The following SCAI variants were observed in gnomAD, a reference collection of about 807,000 sequenced individuals.
SCAI encodes the protein protein SCAI.
SCAI carries 24 observed loss-of-function variants against 92.2 expected under a neutral mutation model. That is an observed-to-expected ratio of 0.26 (90% CI 0.19 to 0.37). SCAI has a LOEUF of 0.37. Ranked by LOEUF, SCAI falls within the 10% of genes least tolerant of loss-of-function variation. The pLI, the probability that SCAI is intolerant of heterozygous loss-of-function variation, is 1.00. For missense variants in SCAI, 450 were observed against 736.2 expected, an observed-to-expected ratio of 0.61 and a Z score of 4.50; for synonymous variants, 261 against 258.6, an observed-to-expected ratio of 1.01 and a Z score of -0.09.
rs1037396292 is a variant in SCAI at position 124,944,030 on chromosome 9, A to G, written c.*8777T>C. 1.3e-5 allele frequency: 2 copies of G among 152,178 alleles called. No homozygotes were observed. Among genetic ancestry groups the G allele is most frequent in the East Asian group, 1.9e-4 (1 of 5,196 alleles). 9.4% of individuals were successfully genotyped at this position (152,178 alleles called of 1,614,324 possible). A position where few individuals can be genotyped will look rare whatever the true frequency, so the allele number is the denominator to read the frequency against. ...TTAGGACTTTGTATTTGCCTTTCCT[A>G]TTATCTAAGATGTTTCTACCTCAAC... On this transcript the variant is annotated 3_prime_UTR_variant, in exon 18 of 18. Transcript: ENST00000336505.
intron 9 of SCAI, among the ~76,000 whole-genome samples, chr9:125,018,141 C>CT (rs1266760712): frequency 1.3e-5 from 2 of 152,014 alleles, no homozygotes; most frequent in African/African-American, 2.4e-5. Flanking sequence ...GTCACCCAGG[C>CT]TGGAGTACAG....
chr9:125,016,190 T>C (rs1832755767), intron 9 of SCAI, among the ~76,000 whole-genome samples: 2 of 139,340 alleles, frequency 1.4e-5, no homozygotes, highest in Non-Finnish European at 1.6e-5. Flanking sequence ...TAAAATAAAA[T>C]AAAATAAAAT....
intron 2 of SCAI, among the ~76,000 whole-genome samples, chr9:125,061,774 A>T (rs2131146022): frequency 6.6e-6 from 1 of 152,130 alleles, no homozygotes; most frequent in East Asian, 1.9e-4. Flanking sequence ...GAAAGAAATG[A>T]AACGAAGAAA....
At chr9:124,962,787 TTTC>T (rs1831466007) in intron 17 of SCAI, among the ~76,000 whole-genome samples, 1 of 151,378 alleles carries the variant, frequency 6.6e-6, no homozygotes, top group South Asian at 2.1e-4. Flanking sequence ...TATATTGTTT[TTTC>T]TTTTTCTTTC....
intron 11 of SCAI, 75 bp from the exon 12 acceptor site, chr9:125,002,118 C>T (rs1049535831): frequency 2.0e-6 from 2 of 1,023,054 alleles, no homozygotes; most frequent in South Asian, 2.6e-5. Flanking sequence ...AAGTTCATGA[C>T]ATCTTAAAGT....
chr9:125,032,195 A>AT lies in SCAI; in HGVS notation c.231-2457dup, dbSNP rs71374219. The stretch of plus-strand genomic sequence containing the variant: ...AATATATATATATATATATATATAT[A>AT]TTTTTTTTTTTTTTTGAGATGGAGT... On this transcript the variant is annotated intron_variant, in intron 3 of 17. Coordinates refer to ENST00000336505, the MANE Select transcript of SCAI (RefSeq NM_001144877.3). 9.1e-3 allele frequency among the ~76,000 whole-genome samples: 908 copies of AT among 99,414 alleles called. 15 individuals carry two copies. Among genetic ancestry groups the AT allele is most frequent in the Middle Eastern group, 0.024 (4 of 170 alleles). The allele number at this position is 99,414 out of a possible 152,430, so 65.2% of individuals were successfully genotyped here. A position where few individuals can be genotyped will look rare whatever the true frequency, so the allele number is the denominator to read the frequency against.
chr9:124,996,873 G>A (rs1054789950), intron 13 of SCAI, among the ~76,000 whole-genome samples: 6 of 151,502 alleles, frequency 4.0e-5, no homozygotes, highest in South Asian at 4.2e-4. Flanking sequence ...CAAGTGATCC[G>A]CCCACTTCGG....
At chr9:125,101,993 G>C (rs1380399830) in intron 2 of SCAI, among the ~76,000 whole-genome samples, 3 of 152,170 alleles carry the variant, frequency 2.0e-5, no homozygotes, top group Non-Finnish European at 4.4e-5. Flanking sequence ...TACTGGTCTA[G>C]GGCAAAGTTC....
Position 125,026,927 on chromosome 9 carries a change from AT to A in SCAI, c.414-18del. 1.4e-6 allele frequency: 2 copies of A among 1,420,848 alleles called. No individual in the cohort carries two copies. Among genetic ancestry groups the A allele is most frequent in the Non-Finnish European group, 2.0e-6 (2 of 1,013,426 alleles). The allele number at this position is 1,420,848 out of a possible 1,614,324, so 88.0% of individuals were successfully genotyped here. On this transcript the variant is annotated intron_variant, in intron 5 of 17. Transcript: ENST00000336505. ...GTGCGTAAGCTATGAGAAAAAATATATTTTTAAATATGACAGTGTCAGAGAC... is the reference window on the plus strand; with the variant it reads ...GTGCGTAAGCTATGAGAAAAAATATATTTTAAATATGACAGTGTCAGAGAC...
At chr9:125,071,388 ACT>A (rs1329866711) in intron 2 of SCAI, among the ~76,000 whole-genome samples, 1 of 151,924 alleles carries the variant, frequency 6.6e-6, no homozygotes, top group Non-Finnish European at 1.5e-5. Flanking sequence ...ACAAAATGAG[ACT>A]CTAACTCAAA....
intron 17 of SCAI, among the ~76,000 whole-genome samples, chr9:124,958,059 T>G (rs1831357898): frequency 6.6e-6 from 1 of 152,174 alleles, no homozygotes; most frequent in African/African-American, 2.4e-5. Context: ...AAGACCTGTA[T>G]GATAAAAACT....
rs944158738 is a variant in SCAI at position 124,961,876 on chromosome 9, T to G, written c.1675-8923A>C. On this transcript the variant is annotated intron_variant, in intron 17 of 17. Coordinates refer to ENST00000336505, the MANE Select transcript of SCAI (RefSeq NM_001144877.3). ...AACTAATAAATGTCCTTTGTGGCAG[T>G]TTTTTTTTTTTTTTTTCCAGAAAAG... 8.5e-4 allele frequency among the ~76,000 whole-genome samples: 109 copies of G among 128,166 alleles called. 1 individual carries two copies. The South Asian group carries it at 0.024, about 29-fold the overall frequency. 84.1% of individuals were successfully genotyped at this position (128,166 alleles called of 152,430 possible). A position where few individuals can be genotyped will look rare whatever the true frequency, so the allele number is the denominator to read the frequency against.
At chr9:125,092,251 G>C (rs1834446084) in intron 2 of SCAI, among the ~76,000 whole-genome samples, 1 of 150,816 alleles carries the variant, frequency 6.6e-6, no homozygotes, top group South Asian at 2.1e-4. Context: ...TTGAGGTCAG[G>C]AGTTCAAGAC....
At position 125,003,214 on chromosome 9, in the gene SCAI, T is replaced by C; in HGVS notation, c.965A>G (p.Glu322Gly). ...ASQMNKPGMQ[E>G]SADKPTRREN... ...TCGTCTAGTAGGCTTGTCAGCTGAT[T>C]CCTATATTTACACACAGAAAACATT... The change falls in exon 11 of 18, where the codon GAA becomes GGA. Residue 322 changes from glutamate to glycine, a missense_variant and splice_region_variant. Physicochemically the swap from Glu to Gly is moderately conservative, Grantham distance 98. This residue lies in a region of SCAI where 360 missense variants were observed against 601.8 expected (regional missense o/e 0.60). Transcript: ENST00000336505. The C allele has an allele frequency of 6.2e-7, 1 of 1,609,022 alleles. No homozygotes were observed. The highest frequency in any genetic ancestry group is 8.5e-7 in the Non-Finnish European group (1 of 1,175,534).
At chr9:125,127,625 C>T (rs1401771161) in intron 2 of SCAI, among the ~76,000 whole-genome samples, 1 of 152,148 alleles carries the variant, frequency 6.6e-6, no homozygotes, top group Non-Finnish European at 1.5e-5. Context: ...ATGTGCTATA[C>T]AGTCAATTAA....
intron 2 of SCAI, among the ~76,000 whole-genome samples, chr9:125,140,790 T>C (rs948770901): frequency 6.8e-6 from 1 of 147,912 alleles, no homozygotes; most frequent in South Asian, 2.1e-4. Flanking sequence ...GCCCAGGAGG[T>C]GGAGGTTGCA....
At chr9:125,115,143 T>C (rs1314763075) in intron 2 of SCAI, among the ~76,000 whole-genome samples, 2 of 151,634 alleles carry the variant, frequency 1.3e-5, no homozygotes, top group African/African-American at 4.8e-5. Flanking sequence ...GAGGCCGAGG[T>C]GGGCGGATCA....
chr9:124,968,436 T>C (rs1343073773), intron 17 of SCAI: 3 of 1,056,894 alleles, frequency 2.8e-6, no homozygotes, highest in Admixed American at 1.7e-5. Context: ...GTCATAACGC[T>C]TGAGTCCACT....
chr9:125,043,141 T>A (rs1325079637), intron 3 of SCAI, among the ~76,000 whole-genome samples: 1 of 152,146 alleles, frequency 6.6e-6, no homozygotes, highest in Non-Finnish European at 1.5e-5. Flanking sequence ...GTGCTGGAAT[T>A]ACAGGCGTGA....
Sources: gnomAD v4.1 joint callset for allele counts (sites outside exome capture counted in the v4.1 genomes callset) on GRCh38, gnomAD v4.1.1 for gene constraint, gnomAD v4.1.1 regional missense constraint, MANE v1.5 for transcripts, NCBI Gene and HGNC (gene_info 2026-07-23, HGNC 2026-07-21) for gene names.